Variants in ASIC2 observed in about 807,000 individuals in gnomAD.
ASIC2 encodes the protein acid sensing ion channel subunit 2.
Under a neutral mutation model 57.3 loss-of-function variants are expected in ASIC2, and 25 were observed. The observed-to-expected ratio is 0.44, with a 90% CI of 0.32 to 0.61. The LOEUF (loss-of-function observed/expected upper bound fraction) is 0.61. Ranked by LOEUF, ASIC2 falls within the 20% of genes least tolerant of loss-of-function variation. ASIC2 has a pLI of 0.06. For missense variants in ASIC2, 641 were observed against 738.1 expected (o/e 0.87, Z 1.52); for synonymous variants, 319 against 307.5 (o/e 1.04, Z -0.39).
chr17:33,264,398 T>C (rs190818743), intron 1 of ASIC2, among the ~76,000 whole-genome samples: 62 of 152,350 alleles, frequency 4.1e-4, no homozygotes, highest in Middle Eastern at 6.8e-3. Flanking sequence ...GGAGCAAGTA[T>C]GACTATTCTC....
chr17:34,130,399 AATGGGGAT>A (rs1392499033), intron 1 of ASIC2, among the ~76,000 whole-genome samples: 1 of 152,204 alleles, frequency 6.6e-6, no homozygotes, highest in Non-Finnish European at 1.5e-5. Context: ...AATCCGTATA[AATGGGGAT>A]ATGGGCAAGG....
intron 1 of ASIC2, among the ~76,000 whole-genome samples, chr17:34,076,518 G>A (rs188340974): frequency 1.3e-4 from 20 of 152,228 alleles, no homozygotes; most frequent in African/African-American, 4.8e-4. Flanking sequence ...CTGCTGGTAG[G>A]CAACATCCTG....
intron 1 of ASIC2, among the ~76,000 whole-genome samples, chr17:34,046,478 C>T (rs1236167576): frequency 3.3e-5 from 5 of 152,324 alleles, no homozygotes; most frequent in African/African-American, 9.6e-5. Flanking sequence ...TATGTTGTCA[C>T]AGGAATTAAT....
chr17:33,521,997 G>A (rs1430020647), intron 1 of ASIC2, among the ~76,000 whole-genome samples: 1 of 152,232 alleles, frequency 6.6e-6, no homozygotes, highest in African/African-American at 2.4e-5. Context: ...CTGCTGGGCA[G>A]CCGCTGCCTG....
At chr17:33,672,311 T>C (rs1421954496) in intron 1 of ASIC2, among the ~76,000 whole-genome samples, 1 of 152,118 alleles carries the variant, frequency 6.6e-6, no homozygotes, top group East Asian at 1.9e-4. Context: ...AAGGAGGTTC[T>C]TCTATGCTAT....
chr17:33,077,235 G>A (rs1383255969), intron 3 of ASIC2, among the ~76,000 whole-genome samples: 1 of 152,026 alleles, frequency 6.6e-6, no homozygotes, highest in African/African-American at 2.4e-5. Flanking sequence ...TAAGAACTCT[G>A]AGTACTATTT....
intron 1 of ASIC2, among the ~76,000 whole-genome samples, chr17:33,989,554 C>T (rs769790710): frequency 5.3e-5 from 8 of 152,066 alleles, no homozygotes; most frequent in Non-Finnish European, 1.0e-4. Flanking sequence ...CGCCTTGGTC[C>T]CAGTGCCACA....
At position 34,025,912 on chromosome 17, in the gene ASIC2, C is replaced by G. The variant is rs144197209; in HGVS notation, c.555+130066G>C. On this transcript the variant is annotated intron_variant, in intron 1 of 9. Coordinates refer to the ASIC2 transcript ENST00000359872. ...TTATAAAATGCTGATGCTGTCCTTA[C>G]CAGGATTGTGTCTTTATCATAGCAG... Among the ~76,000 whole-genome samples the G allele has an allele frequency of 3.0e-3, 460 of 152,320 alleles. 2 individuals are homozygous for G. The highest frequency in any genetic ancestry group is 9.5e-3 in the African/African-American group (394 of 41,558).
intron 1 of ASIC2, among the ~76,000 whole-genome samples, chr17:33,372,487 T>C (rs960385694): frequency 6.6e-6 from 1 of 152,042 alleles, no homozygotes; most frequent in African/African-American, 2.4e-5. Context: ...ACTGAATGGG[T>C]GAGGGGCTGG....
At chr17:34,098,695 A>C (rs375676999) in intron 1 of ASIC2, among the ~76,000 whole-genome samples, 3 of 151,940 alleles carry the variant, frequency 2.0e-5, no homozygotes, top group Non-Finnish European at 2.9e-5. Context: ...GTGTAGATAG[A>C]AAGAATTAGC....
At chr17:33,271,684 C>T (rs1402135994) in intron 1 of ASIC2, among the ~76,000 whole-genome samples, 1 of 152,196 alleles carries the variant, frequency 6.6e-6, no homozygotes, top group Non-Finnish European at 1.5e-5. Context: ...ATCACCAAAA[C>T]CCTAGTCCAG....
At chr17:33,806,766 C>T (rs1912278969) in intron 1 of ASIC2, among the ~76,000 whole-genome samples, 1 of 152,174 alleles carries the variant, frequency 6.6e-6, no homozygotes, top group East Asian at 1.9e-4. Flanking sequence ...CTAGCCCCCA[C>T]CAAGCTGTCT....
At chr17:34,039,240 G>A in intron 1 of ASIC2, 2 of 1,613,926 alleles carry the variant, frequency 1.2e-6, no homozygotes, top group South Asian at 1.1e-5. Context: ...CTATTGTGAG[G>A]TCGGACTGGG....
chr17:34,117,530 G>T (rs993380945), intron 1 of ASIC2, among the ~76,000 whole-genome samples: 5 of 152,190 alleles, frequency 3.3e-5, no homozygotes, highest in Non-Finnish European at 5.9e-5. Context: ...GGTCTCGTGG[G>T]ATGTGGTACC....
intron 1 of ASIC2, among the ~76,000 whole-genome samples, chr17:33,631,166 A>G (rs1906155512): frequency 6.6e-6 from 1 of 152,208 alleles, no homozygotes; most frequent in Non-Finnish European, 1.5e-5. Context: ...GGCAACGTAC[A>G]GGTCAAGCAA....
intron 1 of ASIC2, among the ~76,000 whole-genome samples, chr17:33,871,163 G>C (rs1004092769): frequency 1.3e-5 from 2 of 152,208 alleles, no homozygotes; most frequent in Non-Finnish European, 2.9e-5. Context: ...ATAGATGCCA[G>C]ATTCCTTCTA....
intron 1 of ASIC2, among the ~76,000 whole-genome samples, chr17:33,423,082 A>G (rs1199380963): frequency 6.6e-6 from 1 of 152,026 alleles, no homozygotes; most frequent in African/African-American, 2.4e-5. Context: ...CAGATATCAC[A>G]CTGTTGGGGG....
At chr17:33,344,313 G>T (rs1907856221) in intron 1 of ASIC2, among the ~76,000 whole-genome samples, 1 of 152,160 alleles carries the variant, frequency 6.6e-6, no homozygotes, top group African/African-American at 2.4e-5. Flanking sequence ...CATTGGCAGG[G>T]ACGTACAGAT....
At chr17:33,832,363 G>A (rs1913140588) in intron 1 of ASIC2, among the ~76,000 whole-genome samples, 1 of 152,176 alleles carries the variant, frequency 6.6e-6, no homozygotes, top group Non-Finnish European at 1.5e-5. Flanking sequence ...TAGTAACAGG[G>A]CACTAAATCA....
Sources: allele counts gnomAD v4.1 joint callset (sites outside exome capture counted in the v4.1 genomes callset), GRCh38; gene constraint gnomAD v4.1.1; transcripts MANE v1.5; gene names NCBI Gene and HGNC (gene_info 2026-07-23, HGNC 2026-07-21).